Variants in EMCN observed in about 807,000 individuals in gnomAD.
EMCN encodes the protein endomucin.
A neutral mutation model predicts 38.4 loss-of-function variants in EMCN; 37 were observed. That is an observed-to-expected ratio of 0.96 (90% CI 0.74 to 1.27). The LOEUF (loss-of-function observed/expected upper bound fraction) is 1.27, where lower values mean the gene tolerates loss of function less well. Among genes scored for constraint, EMCN ranks in the 50% most tolerant of loss-of-function variants. EMCN has a pLI of 0.00. For synonymous variants in EMCN, 95 were observed against 100.8 expected, an observed-to-expected ratio of 0.94 and a Z score of 0.35; for missense variants, 318 against 302.8, an observed-to-expected ratio of 1.05 and a Z score of -0.37.
At chr4:100,486,289 A>T (rs1291077125) in intron 1 of EMCN, among the ~76,000 whole-genome samples, 1 of 152,124 alleles carries the variant, frequency 6.6e-6, no homozygotes, top group Non-Finnish European at 1.5e-5. Flanking sequence ...TTATATTCAA[A>T]TAGAAGAGGA....
chr4:100,439,773 CT>C (rs1425197308), intron 5 of EMCN, among the ~76,000 whole-genome samples: 1 of 151,686 alleles, frequency 6.6e-6, no homozygotes, highest in Non-Finnish European at 1.5e-5. Flanking sequence ...TTGCTATAAA[CT>C]TTTCTCTTTG....
intron 1 of EMCN, among the ~76,000 whole-genome samples, chr4:100,517,407 G>A (rs929005675): frequency 2.6e-5 from 4 of 152,116 alleles, no homozygotes; most frequent in Non-Finnish European, 4.4e-5. Flanking sequence ...ATTTATCAGA[G>A]CTGAAAAATA....
At chr4:100,458,752 T>C (rs1728086627) in intron 4 of EMCN, among the ~76,000 whole-genome samples, 1 of 152,304 alleles carries the variant, frequency 6.6e-6, no homozygotes, top group South Asian at 2.1e-4. Flanking sequence ...CAAACAGTTT[T>C]CCTTTTCCCA....
At chr4:100,470,636 T>A (rs1728451267) in intron 3 of EMCN, among the ~76,000 whole-genome samples, 1 of 152,066 alleles carries the variant, frequency 6.6e-6, no homozygotes, top group South Asian at 2.1e-4. Context: ...TCAACCTAAA[T>A]GACCCATCAA....
intron 1 of EMCN, among the ~76,000 whole-genome samples, chr4:100,484,737 C>T (rs1048145747): frequency 2.0e-5 from 3 of 152,066 alleles, no homozygotes; most frequent in African/African-American, 7.2e-5. Flanking sequence ...ACTTAAAATT[C>T]CAGGATGATT....
intron 11 of EMCN, among the ~76,000 whole-genome samples, chr4:100,405,288 T>G (rs1158465473): frequency 6.6e-6 from 1 of 152,116 alleles, no homozygotes; most frequent in Non-Finnish European, 1.5e-5. Flanking sequence ...CATGTTTTGT[T>G]ACAGTTTTCC....
At chr4:100,416,632 GT>G (rs1441355671) in intron 9 of EMCN, among the ~76,000 whole-genome samples, 2 of 152,112 alleles carry the variant, frequency 1.3e-5, no homozygotes, top group East Asian at 3.8e-4. Context: ...AACAGGGTTT[GT>G]TTTGACATGA....
intron 3 of EMCN, among the ~76,000 whole-genome samples, chr4:100,466,078 C>T (rs960708473): frequency 7.0e-6 from 1 of 143,008 alleles, no homozygotes; most frequent in Non-Finnish European, 1.5e-5. Flanking sequence ...TTTAATTATA[C>T]TTAGTTCATT....
chr4:100,452,367 T>C (rs1192744289), intron 4 of EMCN, among the ~76,000 whole-genome samples: 6 of 152,066 alleles, frequency 3.9e-5, no homozygotes, highest in Admixed American at 3.3e-4. Context: ...AGATTATCTT[T>C]TCAGGCTTCA....
At chr4:100,485,749 G>T (rs879492638) in intron 1 of EMCN, among the ~76,000 whole-genome samples, 24 of 151,900 alleles carry the variant, frequency 1.6e-4, no homozygotes, top group Non-Finnish European at 3.1e-4. Flanking sequence ...TACACTAATG[G>T]TGCTCCTTCT....
chr4:100,439,353 GT>G (rs1190496749), intron 5 of EMCN, among the ~76,000 whole-genome samples: 2 of 151,392 alleles, frequency 1.3e-5, no homozygotes, highest in Non-Finnish European at 3.0e-5. Flanking sequence ...GTAGGTTTTA[GT>G]TTTTGTTTTT....
intron 1 of EMCN, among the ~76,000 whole-genome samples, chr4:100,509,285 A>C (rs1729563796): frequency 6.6e-6 from 1 of 152,228 alleles, no homozygotes; most frequent in African/African-American, 2.4e-5. Flanking sequence ...TACCCAACAA[A>C]TGAGGCTGTC....
At position 100,423,312 on chromosome 4, in the gene EMCN, C is replaced by T; in HGVS notation, c.508G>A (p.Val170Ile). 1 of 1,608,350 alleles carries T rather than the reference C, an allele frequency of 6.2e-7. No homozygotes were observed. Among genetic ancestry groups the T allele is most frequent in the Non-Finnish European group, 8.5e-7 (1 of 1,175,242 alleles). ...TIPENTSQSQVIGTEGGKNAS... is the reference protein window; with the variant it reads ...TIPENTSQSQIIGTEGGKNAS... The stretch of plus-strand genomic sequence containing the variant: ...CCACTCAGGCACACAGATATCATAC[C>T]TTGAGACTGTGAGGTGTTTTCTGGA... The change falls in exon 6 of 12, where the codon GTA becomes ATA. Residue 170 changes from valine (V) to isoleucine (I), a missense_variant and splice_region_variant. Coordinates refer to ENST00000296420, the MANE Select transcript of EMCN (RefSeq NM_016242.4).
Position 100,423,084 on chromosome 4 carries a change from T to G in EMCN, c.509-4A>C. 6.2e-7 allele frequency: 1 copy of G among 1,612,972 alleles called. No homozygotes were observed. The highest frequency in any genetic ancestry group is 8.5e-7 in the Non-Finnish European group (1 of 1,179,300). ...TTTCCACCCTCAGTGCCTATTACTT[T>G]AAGAAAGAAAAAAACAAGTCACTTT... On this transcript the variant is annotated splice_region_variant and splice_polypyrimidine_tract_variant and intron_variant, in intron 6 of 11. Coordinates refer to ENST00000296420, the MANE Select transcript of EMCN (RefSeq NM_016242.4).
At chr4:100,427,216 C>T (rs922152059) in intron 5 of EMCN, among the ~76,000 whole-genome samples, 9 of 151,938 alleles carry the variant, frequency 5.9e-5, no homozygotes, top group Non-Finnish European at 1.0e-4. Context: ...GATATTTTTT[C>T]TTTTTCGTCT....
intron 5 of EMCN, among the ~76,000 whole-genome samples, chr4:100,437,004 A>G (rs2110232836): frequency 6.6e-6 from 1 of 152,324 alleles, no homozygotes; most frequent in East Asian, 1.9e-4. Context: ...GCACATCTGC[A>G]CATCCTGCAC....
At chr4:100,494,494 G>C (rs1241232349) in intron 1 of EMCN, among the ~76,000 whole-genome samples, 1 of 152,046 alleles carries the variant, frequency 6.6e-6, no homozygotes, top group Non-Finnish European at 1.5e-5. Flanking sequence ...GAAGTAAACA[G>C]CATATCTTTG....
intron 5 of EMCN, among the ~76,000 whole-genome samples, chr4:100,439,342 G>C (rs1727443347): frequency 6.6e-6 from 1 of 151,502 alleles, no homozygotes; most frequent in Non-Finnish European, 1.5e-5. Context: ...AATTGATCCT[G>C]GTAGGTTTTA....
intron 9 of EMCN, among the ~76,000 whole-genome samples, chr4:100,416,182 T>C (rs1180193065): frequency 6.6e-6 from 1 of 152,090 alleles, no homozygotes; most frequent in African/African-American, 2.4e-5. Context: ...ATATACTTTT[T>C]AGCAATTTTT....
Sources: gnomAD v4.1 joint callset for allele counts (sites outside exome capture counted in the v4.1 genomes callset) on GRCh38, gnomAD v4.1.1 for gene constraint, MANE v1.5 for transcripts, NCBI Gene and HGNC (gene_info 2026-07-23, HGNC 2026-07-21) for gene names.